SLCO2A1: variants seen among roughly 807,000 people sequenced by gnomAD.
SLCO2A1 encodes solute carrier organic anion transporter family member 2A1.
A neutral mutation model predicts 71.7 loss-of-function variants in SLCO2A1; 60 were observed. The ratio of observed to expected loss-of-function variants is 0.84; its 90% CI spans 0.68 to 1.04. The LOEUF is 1.04. Among genes scored for constraint, SLCO2A1 ranks in the 50% least tolerant of loss-of-function variants. The pLI is 0.00. For synonymous variants in SLCO2A1, 308 were observed against 326.7 expected (o/e 0.94, Z 0.62); for missense variants, 745 against 813.4 (o/e 0.92, Z 1.02).
At chr3:133,958,234 G>C (rs888947092) in intron 3 of SLCO2A1, among the ~76,000 whole-genome samples, 1 of 152,210 alleles carries the variant, frequency 6.6e-6, no homozygotes, top group African/African-American at 2.4e-5. Flanking sequence ...CCTGGACTGG[G>C]AGCCTGGGAC....
chr3:133,961,176 G>A (rs1395586734), intron 3 of SLCO2A1, among the ~76,000 whole-genome samples: 3 of 152,034 alleles, frequency 2.0e-5, no homozygotes, highest in Admixed American at 2.0e-4. Context: ...CAACTGAGAC[G>A]GGTAAGGAGG....
At chr3:133,967,336 G>A (rs530454748) in intron 3 of SLCO2A1, among the ~76,000 whole-genome samples, 1 of 152,316 alleles carries the variant, frequency 6.6e-6, no homozygotes, top group Admixed American at 6.5e-5. Context: ...CTGACAGAGA[G>A]TCAGCTACTT....
chr3:134,011,609 A>G (rs1349446840), intron 1 of SLCO2A1, among the ~76,000 whole-genome samples: 1 of 152,234 alleles, frequency 6.6e-6, no homozygotes, highest in Non-Finnish European at 1.5e-5. Context: ...TGGACCTGCC[A>G]CATACCACCC....
At chr3:133,977,681 G>C (rs1054058872) in intron 2 of SLCO2A1, among the ~76,000 whole-genome samples, 1 of 152,136 alleles carries the variant, frequency 6.6e-6, no homozygotes, top group Non-Finnish European at 1.5e-5. Flanking sequence ...TGCCTGCCAG[G>C]GTCATGAAAC....
At chr3:133,974,993 A>G (rs1260278838) in intron 2 of SLCO2A1, among the ~76,000 whole-genome samples, 1 of 152,128 alleles carries the variant, frequency 6.6e-6, no homozygotes, top group Non-Finnish European at 1.5e-5. Context: ...TCAGTTGACC[A>G]TTTCTTTTTT....
intron 3 of SLCO2A1, among the ~76,000 whole-genome samples, chr3:133,970,723 G>A (rs1013940738): frequency 6.6e-6 from 1 of 152,204 alleles, no homozygotes; most frequent in African/African-American, 2.4e-5. Context: ...ATCCCAGCCA[G>A]ACTGAGGGAG....
At chr3:133,996,201 G>A (rs554849150) in intron 1 of SLCO2A1, among the ~76,000 whole-genome samples, 1 of 152,292 alleles carries the variant, frequency 6.6e-6, no homozygotes, top group African/African-American at 2.4e-5. Context: ...CTCATCTGGG[G>A]GAACCTCTGC....
At chr3:133,955,384 A>G (rs1306840799) in intron 3 of SLCO2A1, 191 bp from the exon 4 acceptor site, 1 of 583,470 alleles carries the variant, frequency 1.7e-6, no homozygotes. Flanking sequence ...CTCTAGAAAC[A>G]AAGGTGTGAA....
chr3:134,029,821 G>C lies in SLCO2A1; in HGVS notation c.-19C>G. On this transcript the variant is annotated 5_prime_UTR_variant, in exon 1 of 14. Coordinates refer to ENST00000310926, the MANE Select transcript of SLCO2A1 (RefSeq NM_005630.3). ...GCCCCATGGCTGCGGGCGGCTGGCCGGGCGCGGAGTGGCGCGGGGTCGGGG... is the reference window on the plus strand; with the variant it reads ...GCCCCATGGCTGCGGGCGGCTGGCCCGGCGCGGAGTGGCGCGGGGTCGGGG... 4.3e-6 allele frequency: 6 copies of C among 1,389,890 alleles called. No individual in the cohort carries two copies. Among genetic ancestry groups the C allele is most frequent in the Non-Finnish European group, 4.7e-6 (5 of 1,074,584 alleles). The allele number at this position is 1,389,890 out of a possible 1,614,324, so 86.1% of individuals were successfully genotyped here. A position where few individuals can be genotyped will look rare whatever the true frequency, so the allele number is the denominator to read the frequency against.
chr3:134,015,674 C>A (rs1253058687), intron 1 of SLCO2A1, among the ~76,000 whole-genome samples: 1 of 152,094 alleles, frequency 6.6e-6, no homozygotes, highest in Admixed American at 6.5e-5. Context: ...CAGATTAAAA[C>A]GTCACATTGT....
chr3:133,942,696 C>G lies in SLCO2A1; in HGVS notation c.1534G>C (p.Ala512Pro), dbSNP rs143723313. ...AKTGSCPVPC[A>P]HFLLPAIFLI... ...AAGATGGCCGGGAGCAGGAAGTGGGCACAGGGGACAGGGCACGATCCTGTC... is the reference window on the plus strand; with the variant it reads ...AAGATGGCCGGGAGCAGGAAGTGGGGACAGGGGACAGGGCACGATCCTGTC... The change falls in exon 11 of 14, where the codon GCC (alanine) becomes CCC (proline). Residue 512 changes from alanine (A) to proline (P), a missense_variant. Physicochemically the swap from Ala to Pro is conservative, Grantham distance 27. Coordinates refer to ENST00000310926, the MANE Select transcript of SLCO2A1 (RefSeq NM_005630.3). 9.9e-6 allele frequency: 16 copies of G among 1,613,820 alleles called. No homozygotes were observed. Among genetic ancestry groups the G allele is most frequent in the Middle Eastern group, 1.6e-4 (1 of 6,078 alleles).
At chr3:133,977,022 C>T (rs992849669) in intron 2 of SLCO2A1, among the ~76,000 whole-genome samples, 4 of 152,166 alleles carry the variant, frequency 2.6e-5, no homozygotes, top group Non-Finnish European at 5.9e-5. Context: ...TGGAGGTTCA[C>T]CGCACACTCC....
chr3:134,029,701 G>A lies in SLCO2A1; in HGVS notation c.96+6C>T, dbSNP rs1286289366. ...CGGCCCGGAAGACCCCGCGGACTCCGCTCACCTTAATGTTGCCGAAGACCG... is the reference window on the plus strand; with the variant it reads ...CGGCCCGGAAGACCCCGCGGACTCCACTCACCTTAATGTTGCCGAAGACCG... On this transcript the variant is annotated splice_donor_region_variant and intron_variant, in intron 1 of 13. Coordinates refer to ENST00000310926, the MANE Select transcript of SLCO2A1 (RefSeq NM_005630.3). 11 of 1,580,142 alleles carry A rather than the reference G, an allele frequency of 7.0e-6. No individual in the cohort carries two copies. The highest frequency in any genetic ancestry group is 1.4e-5 in the African/African-American group (1 of 73,392).
Position 133,966,356 on chromosome 3 carries a change from C to G in SLCO2A1, c.397+7307G>C, listed in dbSNP as rs113110070. On this transcript the variant is annotated intron_variant, in intron 3 of 13. Coordinates refer to ENST00000310926, the MANE Select transcript of SLCO2A1 (RefSeq NM_005630.3). ...CCATGGTGTTCAAACACATCAGCCA[C>G]CAAATCTTCTGCAACCAATGCTTCT... Among the ~76,000 whole-genome samples the G allele has an allele frequency of 7.7e-3, 1,169 of 152,308 alleles. 8 individuals are homozygous for G. The highest frequency in any genetic ancestry group is 1.0e-2 in the Non-Finnish European group (679 of 68,022).
chr3:134,027,972 C>A (rs1935732338), intron 1 of SLCO2A1, among the ~76,000 whole-genome samples: 1 of 152,218 alleles, frequency 6.6e-6, no homozygotes, highest in Non-Finnish European at 1.5e-5. Context: ...AAACTCTTAG[C>A]CAGTATGAGT....
intron 3 of SLCO2A1, among the ~76,000 whole-genome samples, chr3:133,956,748 C>T (rs4854598): frequency 0.17 from 26,433 of 152,140 alleles, 2,669 homozygotes; most frequent in East Asian, 0.27. Context: ...CACAGAAAGA[C>T]AGCTGGAACA....
At chr3:133,984,760 C>A (rs1934674357) in intron 1 of SLCO2A1, among the ~76,000 whole-genome samples, 1 of 152,184 alleles carries the variant, frequency 6.6e-6, no homozygotes, top group Non-Finnish European at 1.5e-5. Flanking sequence ...TTGCAACCTA[C>A]CCTTCCCCAT....
At chr3:133,942,576 C>T (rs1017829927) in intron 11 of SLCO2A1, 29 bp downstream of exon 11, 1 of 1,582,510 alleles carries the variant, frequency 6.3e-7, no homozygotes, top group African/African-American at 1.4e-5. Context: ...AGAAGCCACG[C>T]CCCAGACTCA....
intron 1 of SLCO2A1, among the ~76,000 whole-genome samples, chr3:134,024,811 C>T (rs1296518613): frequency 6.6e-6 from 1 of 152,136 alleles, no homozygotes; most frequent in Non-Finnish European, 1.5e-5. Context: ...TAACCAAGTA[C>T]CAAAGCTTGC....
Sources: allele counts gnomAD v4.1 joint callset (sites outside exome capture counted in the v4.1 genomes callset), GRCh38; gene constraint gnomAD v4.1.1; transcripts MANE v1.5; gene names NCBI Gene and HGNC (gene_info 2026-07-23, HGNC 2026-07-21).